Variants in THSD7A observed in about 807,000 individuals in gnomAD.
THSD7A encodes thrombospondin type 1 domain containing 7A.
In THSD7A, 96 loss-of-function variants were observed where a neutral mutation model predicts 231.3. The observed-to-expected ratio is 0.41, with a 90% CI of 0.35 to 0.49. The LOEUF (loss-of-function observed/expected upper bound fraction) is 0.49. THSD7A is among the 20% of genes least tolerant of loss of function. The pLI is 0.05. For synonymous variants in THSD7A, 940 were observed against 743.3 expected, an observed-to-expected ratio of 1.26 and a Z score of -4.30; for missense variants, 2,290 against 2,070.2, an observed-to-expected ratio of 1.11 and a Z score of -2.06.
intron 23 of THSD7A, among the ~76,000 whole-genome samples, chr7:11,392,581 C>G (rs1783026129): frequency 6.6e-6 from 1 of 152,182 alleles, no homozygotes; most frequent in African/African-American, 2.4e-5. Context: ...GCTGAGTGGA[C>G]TAACTCAGTG....
chr7:11,618,338 G>A (rs1781178907), intron 2 of THSD7A, among the ~76,000 whole-genome samples: 2 of 152,218 alleles, frequency 1.3e-5, no homozygotes, highest in South Asian at 2.1e-4. Context: ...GTATATACAC[G>A]TAAGATGTAT....
At chr7:11,401,671 C>G in intron 23 of THSD7A, 124 bp downstream of exon 23, 1 of 879,440 alleles carries the variant, frequency 1.1e-6, no homozygotes, top group Non-Finnish European at 1.6e-6. Flanking sequence ...CTAGGCCTCC[C>G]AAAGCGTTGG....
chr7:11,535,979 G>A (rs1306103879), intron 6 of THSD7A, among the ~76,000 whole-genome samples: 1 of 152,008 alleles, frequency 6.6e-6, no homozygotes, highest in African/African-American at 2.4e-5. Flanking sequence ...TGGCACAAAA[G>A]GTACTCCCCT....
chr7:11,626,501 G>A (rs546098367), intron 2 of THSD7A, among the ~76,000 whole-genome samples: 34 of 152,190 alleles, frequency 2.2e-4, no homozygotes, highest in Middle Eastern at 3.4e-3. Flanking sequence ...TCCATGATGA[G>A]ATAATCATAC....
chr7:11,379,450 T>C (rs1782421183), intron 25 of THSD7A, 170 bp from the exon 26 acceptor site: 4 of 863,742 alleles, frequency 4.6e-6, no homozygotes, highest in South Asian at 1.8e-5. Flanking sequence ...TATATGAAAA[T>C]GTATTCTAAA....
chr7:11,790,181 T>G (rs1414193456), intron 1 of THSD7A, among the ~76,000 whole-genome samples: 1 of 151,940 alleles, frequency 6.6e-6, no homozygotes, highest in East Asian at 1.9e-4. Flanking sequence ...AAAATCAAAT[T>G]AAGTAGCTCA....
At chr7:11,576,588 T>A (rs1281271978) in intron 4 of THSD7A, among the ~76,000 whole-genome samples, 1 of 152,212 alleles carries the variant, frequency 6.6e-6, no homozygotes, top group African/African-American at 2.4e-5. Context: ...CTTGATATAA[T>A]ACATCAAAGG....
At chr7:11,782,380 T>C (rs553760347) in intron 1 of THSD7A, among the ~76,000 whole-genome samples, 2 of 152,216 alleles carry the variant, frequency 1.3e-5, no homozygotes, top group East Asian at 3.9e-4. Context: ...TTGCAAAAGA[T>C]AAAGAAAGCT....
intron 24 of THSD7A, among the ~76,000 whole-genome samples, chr7:11,381,123 G>A (rs1782497514): frequency 1.3e-5 from 2 of 152,088 alleles, no homozygotes; most frequent in Admixed American, 1.3e-4. Context: ...GAGCTCAATG[G>A]ATGACTTCTG....
intron 4 of THSD7A, among the ~76,000 whole-genome samples, chr7:11,571,492 A>G (rs1225111848): frequency 6.6e-6 from 1 of 152,202 alleles, no homozygotes; most frequent in African/African-American, 2.4e-5. Flanking sequence ...TAAGTGCAGT[A>G]TATGGACTAT....
chr7:11,557,771 A>G (rs1789909489), intron 4 of THSD7A, among the ~76,000 whole-genome samples: 1 of 152,060 alleles, frequency 6.6e-6, no homozygotes, highest in African/African-American at 2.4e-5. Context: ...CTTCACTAAC[A>G]TTGTGGGGGT....
chr7:11,497,929 C>G (rs1454512739), intron 6 of THSD7A, among the ~76,000 whole-genome samples: 1 of 152,110 alleles, frequency 6.6e-6, no homozygotes, highest in East Asian at 1.9e-4. Context: ...ATGCTTCCCC[C>G]ACAGATCTTT....
chr7:11,600,415 T>A (rs1363974709), intron 2 of THSD7A, among the ~76,000 whole-genome samples: 1 of 152,166 alleles, frequency 6.6e-6, no homozygotes, highest in African/African-American at 2.4e-5. Flanking sequence ...ATACCTTTAA[T>A]ATTTATTTTA....
chr7:11,768,641 A>G lies in THSD7A; in HGVS notation c.190+63116T>C, dbSNP rs530672427. Among the ~76,000 whole-genome samples the G allele has an allele frequency of 3.9e-5, 6 of 152,236 alleles. No homozygotes were observed. The East Asian group carries it at 1.2e-3, about 29-fold the overall frequency. On this transcript the variant is annotated intron_variant, in intron 1 of 27. Transcript: ENST00000423059. ...TAGACCTCTTGAACTAAGGACAGTG[A>G]GTTCACAGTTTCATTAAAAAGGTGT...
At chr7:11,658,366 T>A (rs896542658) in intron 1 of THSD7A, among the ~76,000 whole-genome samples, 4 of 151,768 alleles carry the variant, frequency 2.6e-5, no homozygotes, top group African/African-American at 9.7e-5. Context: ...GATGTGTTTG[T>A]CACTTGCTAA....
chr7:11,797,463 C>A (rs978117847), intron 1 of THSD7A, among the ~76,000 whole-genome samples: 9 of 140,508 alleles, frequency 6.4e-5, no homozygotes, highest in Non-Finnish European at 1.4e-4. Flanking sequence ...GTAACCCACG[C>A]TGGAGTGCAG....
At position 11,572,380 on chromosome 7, in the gene THSD7A, A is replaced by T. The variant is rs1041786386; in HGVS notation, c.1453+18080T>A. Among the ~76,000 whole-genome samples, 6 of 152,354 alleles carry T rather than the reference A, an allele frequency of 3.9e-5. 2 individuals are homozygous for T. The highest frequency in any genetic ancestry group is 6.5e-5 in the Admixed American group (1 of 15,304). ...CAATCCTCAATTATTAAGCCCACTCAGTGAGTTTTTATTGCAGAGTTTGTA... is the reference window on the plus strand; with the variant it reads ...CAATCCTCAATTATTAAGCCCACTCTGTGAGTTTTTATTGCAGAGTTTGTA... On this transcript the variant is annotated intron_variant, in intron 4 of 27. Transcript: ENST00000423059.
intron 1 of THSD7A, among the ~76,000 whole-genome samples, chr7:11,786,839 G>A (rs74957694): frequency 0.031 from 4,600 of 149,990 alleles, 86 homozygotes; most frequent in East Asian, 0.11. Context: ...CCCCTACACC[G>A]AACTGACAAA....
In THSD7A at chr7:11,821,115, C is replaced by T; in HGVS notation, c.190+10642G>A. 2.8e-6 allele frequency: 3 copies of T among 1,056,012 alleles called. No individual in the cohort carries two copies. The South Asian group carries it at 3.9e-5, about 14-fold the overall frequency. 65.4% of individuals were successfully genotyped at this position (1,056,012 alleles called of 1,614,324 possible). On this transcript the variant is annotated intron_variant, in intron 1 of 27. Transcript: ENST00000423059. ...TGTCCTGTAACTTGTTTTTGGCTGC[C>T]TCTTGCTCAGTTCCTCTATTTAGGT...
Sources: gnomAD v4.1 joint callset for allele counts (sites outside exome capture counted in the v4.1 genomes callset) on GRCh38, gnomAD v4.1.1 for gene constraint, MANE v1.5 for transcripts, NCBI Gene and HGNC (gene_info 2026-07-23, HGNC 2026-07-21) for gene names.